Variants in IL12RB2 observed in about 807,000 individuals in gnomAD.
The protein encoded by IL12RB2 is interleukin 12 receptor subunit beta 2.
A neutral mutation model predicts 89.4 loss-of-function variants in IL12RB2; 82 were observed. The ratio of observed to expected loss-of-function variants is 0.92; its 90% confidence interval spans 0.77 to 1.10. The LOEUF (loss-of-function observed/expected upper bound fraction) is 1.10. Ranked by LOEUF, IL12RB2 falls within the 50% of genes least tolerant of loss-of-function variation. The probability of loss-of-function intolerance (pLI) is 0.00; values close to 1 mark genes in which losing one functional copy is unlikely to be tolerated. For synonymous variants in IL12RB2, 368 were observed against 370.1 expected (o/e 0.99, Z 0.07); for missense variants, 963 against 1,031.9 (o/e 0.93, Z 0.92).
At chr1:67,321,451 A>C (rs922539846) in intron 3 of IL12RB2, 151 bp from the exon 4 acceptor site, 25 of 681,470 alleles carry the variant, frequency 3.7e-5, no homozygotes, top group African/African-American at 3.2e-4. Flanking sequence ...TTCATTGTAC[A>C]TCACCATTAT....
intron 2 of IL12RB2, among the ~76,000 whole-genome samples, chr1:67,319,393 CT>C (rs1169054116): frequency 2.6e-5 from 4 of 152,168 alleles, no homozygotes; most frequent in African/African-American, 7.2e-5. Context: ...TAAAATCATT[CT>C]GTAAAATAAG....
chr1:67,360,128 G>A (rs1467543447), intron 10 of IL12RB2, among the ~76,000 whole-genome samples: 6 of 152,112 alleles, frequency 3.9e-5, no homozygotes, highest in South Asian at 4.1e-4. Flanking sequence ...GGGGCTGGGC[G>A]CGGTGGCTCA....
intron 10 of IL12RB2, among the ~76,000 whole-genome samples, chr1:67,354,379 A>G (rs756798907): frequency 6.6e-6 from 1 of 152,162 alleles, no homozygotes; most frequent in Non-Finnish European, 1.5e-5. Context: ...ATAATAGAAT[A>G]AAGTCCCTGG....
chr1:67,360,657 G>A (rs762958866), intron 10 of IL12RB2, among the ~76,000 whole-genome samples: 63 of 151,762 alleles, frequency 4.2e-4, no homozygotes, highest in Non-Finnish European at 5.9e-4. Flanking sequence ...TTAGCTAGGC[G>A]TAGTGGCACG....
In IL12RB2 at chr1:67,367,973, C is replaced by T. The variant is rs1662892936; in HGVS notation, c.1407C>T (p.Val469=). Residue 469 remains valine, a synonymous_variant, in exon 11 of 17, where the codon GTC becomes GTT. Transcript: ENST00000674203. ...TCCATCCAGGGGGTGACACACAGGTCCCTCTAAACTGGCTACGGAGTCGAC... is the reference window on the plus strand; with the variant it reads ...TCCATCCAGGGGGTGACACACAGGTTCCTCTAAACTGGCTACGGAGTCGAC... ...RELHPGGDTQ[V]PLNWLRSRPY... 6.2e-7 allele frequency: 1 copy of T among 1,610,898 alleles called. No homozygotes were observed. The highest frequency in any genetic ancestry group is 8.5e-7 in the Non-Finnish European group (1 of 1,177,124).
chr1:67,321,178 G>T (rs1396332712), intron 3 of IL12RB2, among the ~76,000 whole-genome samples: 1 of 151,530 alleles, frequency 6.6e-6, no homozygotes, highest in Non-Finnish European at 1.5e-5. Flanking sequence ...TTTTTTCTTG[G>T]TACAAGTATT....
intron 13 of IL12RB2, among the ~76,000 whole-genome samples, chr1:67,374,021 T>G (rs1663659909): frequency 6.6e-6 from 1 of 152,178 alleles, no homozygotes; most frequent in African/African-American, 2.4e-5. Context: ...TCGTCTTCCC[T>G]TCACACTTAG....
chr1:67,350,040 A>G (rs1660659671), intron 9 of IL12RB2, among the ~76,000 whole-genome samples: 1 of 152,166 alleles, frequency 6.6e-6, no homozygotes, highest in African/African-American at 2.4e-5. Flanking sequence ...ACACAGCCGG[A>G]GGCCCCCCAC....
intron 3 of IL12RB2, 113 bp from the exon 4 acceptor site, chr1:67,321,489 T>C: frequency 1.3e-6 from 1 of 758,166 alleles, no homozygotes; most frequent in East Asian, 2.4e-5. Flanking sequence ...TTAATTATAT[T>C]TGCATGATCT....
Position 67,372,719 on chromosome 1 carries a change from C to G in IL12RB2, c.1653C>G (p.Gly551=). ...WNSIPVQEQM[G]CLLHYRIYWK... Reference sequence around the variant, plus strand: ...GCATTCCAGTCCAGGAGCAAATGGGCTGCCTCCTCCATTATAGGATATACT... The same window carrying G: ...GCATTCCAGTCCAGGAGCAAATGGGGTGCCTCCTCCATTATAGGATATACT... The change falls in exon 13 of 17, where the codon GGC becomes GGG. Residue 551 remains glycine (G), a synonymous_variant. Transcript: ENST00000674203. 1 of 1,604,336 alleles carries G rather than the reference C, an allele frequency of 6.2e-7. No individual in the cohort carries two copies.
chr1:67,338,504 C>A, intron 8 of IL12RB2, 120 bp from the exon 9 acceptor site: 1 of 690,594 alleles, frequency 1.4e-6, no homozygotes, highest in Non-Finnish European at 2.7e-6. Context: ...TACTGGGACA[C>A]ACACAAATAA....
chr1:67,388,277 TAAG>T (rs368003309), intron 15 of IL12RB2, among the ~76,000 whole-genome samples: 126 of 152,278 alleles, frequency 8.3e-4, no homozygotes, highest in Middle Eastern at 6.8e-3. Flanking sequence ...GTCCTCTTCC[TAAG>T]AAGGAGGGGA....
chr1:67,310,184 CAAAAAA>C (rs890229904), intron 1 of IL12RB2, among the ~76,000 whole-genome samples: 5 of 36,760 alleles, frequency 1.4e-4, no homozygotes, highest in African/African-American at 4.0e-4. Flanking sequence ...AACTTCATCT[CAAAAAA>C]AAAAAAAAAA....
At chr1:67,318,805 G>A (rs952051971) in intron 2 of IL12RB2, among the ~76,000 whole-genome samples, 1 of 151,902 alleles carries the variant, frequency 6.6e-6, no homozygotes, top group African/African-American at 2.4e-5. Flanking sequence ...TGTGTGAGTT[G>A]ATCTACTCTG....
chr1:67,324,849 A>G (rs79857177), intron 4 of IL12RB2, among the ~76,000 whole-genome samples: 1 of 152,244 alleles, frequency 6.6e-6, no homozygotes, highest in Non-Finnish European at 1.5e-5. Context: ...ACTGAATTTG[A>G]TGACTAACTG....
At chr1:67,386,539 G>C (rs1665167769) in intron 14 of IL12RB2, 40 bp from the exon 15 acceptor site, 3 of 1,350,928 alleles carry the variant, frequency 2.2e-6, no homozygotes, top group Non-Finnish European at 3.2e-6. Flanking sequence ...ATGTTCATTG[G>C]TGATAACTCA....
chr1:67,349,762 A>C (rs1442848732), intron 9 of IL12RB2, among the ~76,000 whole-genome samples: 1 of 152,230 alleles, frequency 6.6e-6, no homozygotes. Context: ...CAAGAAATGC[A>C]GCTGTGGGGC....
chr1:67,312,450 G>T (rs1219102398), intron 1 of IL12RB2, among the ~76,000 whole-genome samples: 2 of 152,102 alleles, frequency 1.3e-5, no homozygotes, highest in African/African-American at 4.8e-5. Flanking sequence ...TTGGAGAAAT[G>T]CTTGTTCAAT....
At chr1:67,328,783 G>T (rs1657669425) in intron 6 of IL12RB2, among the ~76,000 whole-genome samples, 2 of 152,244 alleles carry the variant, frequency 1.3e-5, no homozygotes, top group South Asian at 4.1e-4. Flanking sequence ...GCTACATGTG[G>T]GCCTGCTAGG....
Sources: gnomAD v4.1 joint callset for allele counts (sites outside exome capture counted in the v4.1 genomes callset) on GRCh38, gnomAD v4.1.1 for gene constraint, MANE v1.5 for transcripts, NCBI Gene and HGNC (gene_info 2026-07-23, HGNC 2026-07-21) for gene names.